ADAMTSL1: variants seen among roughly 807,000 people sequenced by gnomAD.
The protein encoded by ADAMTSL1 is ADAMTS-like protein 1.
In ADAMTSL1, 126 loss-of-function variants were observed where a neutral mutation model predicts 201.8. The ratio of observed to expected loss-of-function variants is 0.62; its 90% CI spans 0.54 to 0.72. ADAMTSL1 has a LOEUF of 0.72. Ranked by LOEUF, ADAMTSL1 falls within the 30% of genes least tolerant of loss-of-function variation. ADAMTSL1 has a pLI of 0.00. For synonymous variants in ADAMTSL1, 1,121 were observed against 903.4 expected, an observed-to-expected ratio of 1.24 and a Z score of -4.32; for missense variants, 2,679 against 2,277.8, an observed-to-expected ratio of 1.18 and a Z score of -3.59.
chr9:18,336,871 CTAA>C (rs1234037349), intron 2 of ADAMTSL1, among the ~76,000 whole-genome samples: 1 of 152,094 alleles, frequency 6.6e-6, no homozygotes, highest in Non-Finnish European at 1.5e-5. Flanking sequence ...CAAAGAAACT[CTAA>C]TAATGATATT....
At chr9:17,968,614 A>C (rs557013662) in intron 1 of ADAMTSL1, among the ~76,000 whole-genome samples, 1 of 152,166 alleles carries the variant, frequency 6.6e-6, no homozygotes, top group Non-Finnish European at 1.5e-5. Flanking sequence ...TCTCCCACAC[A>C]AACAATGTGG....
intron 15 of ADAMTSL1, among the ~76,000 whole-genome samples, chr9:18,724,976 A>T (rs188541254): frequency 2.0e-5 from 3 of 151,294 alleles, no homozygotes; most frequent in African/African-American, 7.3e-5. Flanking sequence ...GTGAGATCTC[A>T]GCTCACTGCA....
rs1310166558 is a variant in ADAMTSL1 at position 18,288,430 on chromosome 9, A to G, written c.207+124449A>G. On this transcript the variant is annotated intron_variant, in intron 2 of 29. Coordinates refer to the ADAMTSL1 transcript ENST00000680146. Reference sequence around the variant, plus strand: ...TAAATGTAGCAGTTCTGAATTTCTCAACTTTAAAGGACTATGTTACTTAGA... The same window carrying G: ...TAAATGTAGCAGTTCTGAATTTCTCGACTTTAAAGGACTATGTTACTTAGA... 2.6e-5 allele frequency among the ~76,000 whole-genome samples: 4 copies of G among 152,302 alleles called. No homozygotes were observed. In the East Asian group the frequency reaches 7.7e-4, roughly 29 times the overall value.
intron 2 of ADAMTSL1, among the ~76,000 whole-genome samples, chr9:18,257,939 T>C (rs1434345890): frequency 6.6e-6 from 1 of 152,120 alleles, no homozygotes; most frequent in Non-Finnish European, 1.5e-5. Flanking sequence ...AAACGAGAAT[T>C]GAGATCTTCA....
chr9:18,667,991 A>T (rs1473242312), intron 9 of ADAMTSL1, among the ~76,000 whole-genome samples: 1 of 152,166 alleles, frequency 6.6e-6, no homozygotes, highest in Non-Finnish European at 1.5e-5. Flanking sequence ...CAGCTGTGAG[A>T]CATTGCCATT....
chr9:18,597,488 G>T (rs1824344614), intron 4 of ADAMTSL1, among the ~76,000 whole-genome samples: 2 of 152,258 alleles, frequency 1.3e-5, no homozygotes, highest in South Asian at 4.1e-4. Context: ...AGGTTTAAAA[G>T]TATATTAAAA....
intron 2 of ADAMTSL1, among the ~76,000 whole-genome samples, chr9:18,243,615 A>T (rs1479498623): frequency 1.3e-5 from 2 of 151,970 alleles, no homozygotes; most frequent in African/African-American, 4.8e-5. Context: ...CCTGCCACAC[A>T]AATGTAGACT....
rs564928093 is a variant in ADAMTSL1, at chr9:18,522,159, G to C, written c.192-11088G>C. Among the ~76,000 whole-genome samples the C allele has an allele frequency of 2.3e-4, 35 of 152,196 alleles. No homozygotes were observed. In the South Asian group the frequency reaches 4.6e-3, roughly 20 times the overall value. On this transcript the variant is annotated intron_variant, in intron 2 of 28. Transcript: ENST00000380548. ...GACTACTAGAGGGAGGAGGAGAGAG[G>C]GGGTGGTGAGCTGAAAAACTACCTA... is the stretch of plus-strand genomic sequence containing the variant.
chr9:18,176,180 T>C (rs1828146118), intron 2 of ADAMTSL1, among the ~76,000 whole-genome samples: 1 of 152,120 alleles, frequency 6.6e-6, no homozygotes, highest in Non-Finnish European at 1.5e-5. Context: ...CCTCCTATTT[T>C]GCAACTTTAC....
chr9:18,829,936 G>T lies in ADAMTSL1; in HGVS notation c.4208G>T (p.Gly1403Val). 6.2e-7 allele frequency: 1 copy of T among 1,613,688 alleles called. No homozygotes were observed. The highest frequency in any genetic ancestry group is 8.5e-7 in the Non-Finnish European group (1 of 1,179,802). The change falls in exon 23 of 29, where the codon GGA becomes GTA. Residue 1403 changes from glycine (G) to valine (V), a missense_variant. Transcript: ENST00000380548. ...CCTTCAGTGCTGACGTCTCCTCTGG[G>T]AACACAGCTGGTCCTGGATCCTGGG... ...NLPSVLTSPLGTQLVLDPGNS... is the reference protein window; with the variant it reads ...NLPSVLTSPLVTQLVLDPGNS...
At chr9:17,984,451 T>C (rs1207218010) in intron 1 of ADAMTSL1, among the ~76,000 whole-genome samples, 1 of 152,160 alleles carries the variant, frequency 6.6e-6, no homozygotes, top group Admixed American at 6.5e-5. Flanking sequence ...TGGGCACTTT[T>C]GTCTTATAAA....
At chr9:18,372,643 C>T (rs1040262213) in intron 2 of ADAMTSL1, among the ~76,000 whole-genome samples, 25 of 152,156 alleles carry the variant, frequency 1.6e-4, no homozygotes, top group African/African-American at 5.8e-4. Flanking sequence ...TGTTCACCAA[C>T]ATTATAAAAA....
At chr9:18,489,729 A>T (rs984982119) in intron 1 of ADAMTSL1, among the ~76,000 whole-genome samples, 3 of 152,044 alleles carry the variant, frequency 2.0e-5, no homozygotes, top group African/African-American at 7.2e-5. Context: ...ATTTGGTCAT[A>T]TTTCCCACTG....
intron 1 of ADAMTSL1, among the ~76,000 whole-genome samples, chr9:18,096,464 A>G (rs988866105): frequency 6.6e-6 from 1 of 152,186 alleles, no homozygotes; most frequent in African/African-American, 2.4e-5. Context: ...CCACTGGCCC[A>G]TGTGGCTCTT....
chr9:18,651,216 T>G (rs1828228993), intron 7 of ADAMTSL1: 2 of 152,238 alleles, frequency 1.3e-5, no homozygotes, highest in Non-Finnish European at 2.9e-5. Context: ...GGCCATCATC[T>G]GGATAACTGG....
chr9:18,634,370 C>A (rs74883733), intron 5 of ADAMTSL1, among the ~76,000 whole-genome samples: 3,384 of 151,718 alleles, frequency 0.022, 72 homozygotes, highest in African/African-American at 0.048. Context: ...TCAAGACAAG[C>A]GTGGGCAACA....
chr9:18,717,911 G>C, intron 14 of ADAMTSL1: 1 of 1,094,934 alleles, frequency 9.1e-7, no homozygotes, highest in South Asian at 1.3e-5. Context: ...TGGAGTGTTG[G>C]CACTATTGAA....
chr9:18,287,472 T>C (rs1833039771), intron 2 of ADAMTSL1, among the ~76,000 whole-genome samples: 3 of 151,834 alleles, frequency 2.0e-5, no homozygotes, highest in South Asian at 2.1e-4. Context: ...TATGTAAATG[T>C]ATGTTCAGAT....
intron 9 of ADAMTSL1, among the ~76,000 whole-genome samples, chr9:18,674,114 T>C (rs1046096724): frequency 1.3e-5 from 2 of 152,028 alleles, no homozygotes; most frequent in African/African-American, 2.4e-5. Context: ...CATTCTTGTG[T>C]GAAGAACTGT....
Sources: allele counts gnomAD v4.1 joint callset (sites outside exome capture counted in the v4.1 genomes callset), GRCh38; gene constraint gnomAD v4.1.1; transcripts MANE v1.5; gene names NCBI Gene and HGNC (gene_info 2026-07-23, HGNC 2026-07-21).